Variants in CLIC5 observed in about 807,000 individuals in gnomAD.
CLIC5 encodes the protein CLIC family member 5.
CLIC5 carries 20 observed loss-of-function variants against 24.7 expected under a neutral mutation model. The observed-to-expected ratio is 0.81, with a 90% confidence interval of 0.57 to 1.18. CLIC5 has a LOEUF of 1.18. Ranked by LOEUF, CLIC5 falls within the 50% of genes most tolerant of loss-of-function variation. CLIC5 has a pLI of 0.00. For synonymous variants in CLIC5, 159 were observed against 135.6 expected (o/e 1.17, Z -1.20); for missense variants, 341 against 326.1 (o/e 1.05, Z -0.35).
chr6:45,912,359 A>G, intron 5 of CLIC5: 2 of 1,032,980 alleles, frequency 1.9e-6, no homozygotes, highest in Non-Finnish European at 2.3e-6. Context: ...TTCTCCAAGG[A>G]CAGGGCTTCA....
At chr6:46,121,692 T>A in the CLIC5 span, among the ~76,000 whole-genome samples, 96,150 of 151,958 alleles carry the variant, frequency 0.63, 30,607 homozygotes, top group Middle Eastern at 0.82. Flanking sequence ...AACCCATCTC[T>A]TGTGCAGAGA....
intron 3 of CLIC5, among the ~76,000 whole-genome samples, chr6:45,948,386 T>A (rs1764356777): frequency 6.6e-6 from 1 of 152,100 alleles, no homozygotes; most frequent in Non-Finnish European, 1.5e-5. Context: ...TATCTCCAGC[T>A]TCATGGTCCT....
chr6:45,915,161 C>T (rs13198467), intron 4 of CLIC5, among the ~76,000 whole-genome samples: 31 of 151,954 alleles, frequency 2.0e-4, no homozygotes, highest in African/African-American at 7.0e-4. Context: ...ATCTCCTGAC[C>T]TCATGATCGG....
At chr6:46,082,100 A>C (rs1032486711), upstream of CLIC5, among the ~76,000 whole-genome samples, 3 of 152,120 alleles carry the variant, frequency 2.0e-5, no homozygotes, top group Non-Finnish European at 4.4e-5. Flanking sequence ...TCCTTTCCAC[A>C]ATGCAACTCA....
At chr6:46,055,383 G>A (rs1488630679) in intron 1 of CLIC5, among the ~76,000 whole-genome samples, 5 of 152,226 alleles carry the variant, frequency 3.3e-5, no homozygotes, top group South Asian at 4.1e-4. Flanking sequence ...GAAAACAGGC[G>A]TGAACCACCA....
chr6:45,913,594 G>A (rs999469947), intron 5 of CLIC5, among the ~76,000 whole-genome samples: 2 of 152,198 alleles, frequency 1.3e-5, no homozygotes, highest in Non-Finnish European at 2.9e-5. Context: ...TGAAGTGGGA[G>A]ATTGTTTTGG....
At chr6:45,976,940 G>A (rs1369172715) in intron 1 of CLIC5, among the ~76,000 whole-genome samples, 1 of 152,164 alleles carries the variant, frequency 6.6e-6, no homozygotes, top group Non-Finnish European at 1.5e-5. Context: ...TGTGCATATT[G>A]TCTTCCCATG....
the CLIC5 span, among the ~76,000 whole-genome samples, chr6:46,115,335 A>T: frequency 6.6e-6 from 1 of 152,156 alleles, no homozygotes; most frequent in Non-Finnish European, 1.5e-5. Flanking sequence ...TGACTTTCCC[A>T]TCTCACCAAA....
intron 4 of CLIC5, among the ~76,000 whole-genome samples, chr6:45,917,584 G>C (rs1763080267): frequency 6.6e-6 from 1 of 152,172 alleles, no homozygotes; most frequent in Non-Finnish European, 1.5e-5. Flanking sequence ...GCTCCTTGGT[G>C]ATAAGCTGTG....
chr6:45,893,632 A>G (rs1762371207), downstream of CLIC5, among the ~76,000 whole-genome samples: 1 of 152,150 alleles, frequency 6.6e-6, no homozygotes, highest in South Asian at 2.1e-4. Context: ...CTTATGCTGA[A>G]GGCCAAGAGC....
At chr6:46,090,956 G>A in the CLIC5 span, among the ~76,000 whole-genome samples, 1 of 152,128 alleles carries the variant, frequency 6.6e-6, no homozygotes, top group Non-Finnish European at 1.5e-5. Context: ...CAAACAACAA[G>A]CTGTTATCAA....
In CLIC5 at chr6:45,986,632, G is replaced by A. The variant is rs115177146; in HGVS notation, c.63+28848C>T. 7.3e-3 allele frequency among the ~76,000 whole-genome samples: 1,106 copies of A among 152,242 alleles called. 16 individuals carry two copies. Among genetic ancestry groups the A allele is most frequent in the South Asian group, 0.039 (190 of 4,822 alleles). On this transcript the variant is annotated intron_variant, in intron 1 of 5. Transcript: ENST00000339561. The stretch of plus-strand genomic sequence containing the variant: ...ATAGTGAGGCTCCACACATGATTTA[G>A]TTGACATAACAAAGAATTCCTTGCC...
chr6:45,944,538 T>C (rs563309001), intron 3 of CLIC5, among the ~76,000 whole-genome samples: 17 of 128,504 alleles, frequency 1.3e-4, no homozygotes, highest in African/African-American at 4.9e-4. Context: ...GTAAAACAGT[T>C]GGCTTCTCAC....
chr6:45,902,806 C>T lies in CLIC5; in HGVS notation c.*282G>A, dbSNP rs1762544289. ...CTAGTGGCAATCCCATATGTGGGCT[C>T]TCCAACACTGACTGACCCCAAACAT... On this transcript the variant is annotated 3_prime_UTR_variant, in exon 6 of 6. Coordinates refer to ENST00000339561, the MANE Select transcript of CLIC5 (RefSeq NM_016929.5). 1 of 458,312 alleles carries T rather than the reference C, an allele frequency of 2.2e-6. No homozygotes were observed. The highest frequency in any genetic ancestry group is 4.2e-5 in the East Asian group (1 of 23,600). 28.4% of individuals were successfully genotyped at this position (458,312 alleles called of 1,614,324 possible).
chr6:46,021,898 C>T (rs1253400247), intron 1 of CLIC5, among the ~76,000 whole-genome samples: 1 of 152,126 alleles, frequency 6.6e-6, no homozygotes, highest in Admixed American at 6.5e-5. Flanking sequence ...GAACTACACA[C>T]CAAAAAGGTG....
intron 4 of CLIC5, among the ~76,000 whole-genome samples, chr6:45,926,509 G>T (rs949338895): frequency 6.6e-6 from 1 of 151,800 alleles, no homozygotes; most frequent in Non-Finnish European, 1.5e-5. Flanking sequence ...GCCCCCCTCG[G>T]CTTCCCAAAG....
At chr6:46,079,640 A>C in intron 1 of CLIC5, 1 of 1,390,202 alleles carries the variant, frequency 7.2e-7, no homozygotes, top group Non-Finnish European at 9.8e-7. Context: ...CATTCAGAGC[A>C]AAATAAAACA....
intron 1 of CLIC5, among the ~76,000 whole-genome samples, chr6:45,997,777 C>T (rs953299023): frequency 2.0e-5 from 3 of 152,178 alleles, no homozygotes; most frequent in African/African-American, 7.2e-5. Flanking sequence ...AGGCCTGGAA[C>T]ATGAGGAAAT....
chr6:45,998,334 C>T (rs1027105858), intron 1 of CLIC5, among the ~76,000 whole-genome samples: 7 of 152,266 alleles, frequency 4.6e-5, no homozygotes, highest in Non-Finnish European at 5.9e-5. Flanking sequence ...CATGTGTCAG[C>T]AGCACATGGC....
Sources: allele counts gnomAD v4.1 joint callset (sites outside exome capture counted in the v4.1 genomes callset), GRCh38; gene constraint gnomAD v4.1.1; transcripts MANE v1.5; gene names NCBI Gene and HGNC (gene_info 2026-07-23, HGNC 2026-07-21).